The following YIPF3 variants were observed in gnomAD, a reference collection of about 807,000 sequenced individuals.
YIPF3 encodes protein YIPF3.
YIPF3 carries 18 observed loss-of-function variants against 40.3 expected under a neutral mutation model. The observed-to-expected ratio is 0.45, with a 90% confidence interval of 0.31 to 0.66. The LOEUF is 0.66. Among genes scored for constraint, YIPF3 ranks in the 30% least tolerant of loss-of-function variants. The pLI is 0.07. For synonymous variants in YIPF3, 190 were observed against 179.6 expected (o/e 1.06, Z -0.46); for missense variants, 406 against 452.2 (o/e 0.90, Z 0.93).
In YIPF3 at chr6:43,511,914, A is replaced by G; in HGVS notation, c.*253T>C. ...GAGAGATAAAGAGGAAGGAAGGGGT[A>G]GGTGGGGAGGGGTTCTCAAAGGAGC... is the stretch of plus-strand genomic sequence containing the variant. On this transcript the variant is annotated 3_prime_UTR_variant, in exon 9 of 9. Transcript: ENST00000372422. 2.0e-6 allele frequency: 1 copy of G among 512,184 alleles called. No homozygotes were observed. Among genetic ancestry groups the G allele is most frequent in the Non-Finnish European group, 3.4e-6 (1 of 291,080 alleles). The allele number at this position is 512,184 out of a possible 1,614,324, so 31.7% of individuals were successfully genotyped here. A position where few individuals can be genotyped will look rare whatever the true frequency, so the allele number is the denominator to read the frequency against.
chr6:43,516,652 A>T, intron 1 of YIPF3, 75 bp downstream of exon 1: 2 of 1,548,562 alleles, frequency 1.3e-6, no homozygotes, highest in Non-Finnish European at 1.8e-6. Flanking sequence ...CCAGGCCCAG[A>T]GGGGGAATCC....
chr6:43,516,141 C>G, intron 1 of YIPF3, 46 bp from the exon 2 acceptor site: 1 of 1,609,702 alleles, frequency 6.2e-7, no homozygotes, highest in African/African-American at 1.3e-5. Context: ...TCTGTTCCAT[C>G]CATTAAGTCC....
In YIPF3 at chr6:43,513,355, T is replaced by C; in HGVS notation, c.534+4A>G. 6.2e-7 allele frequency: 1 copy of C among 1,614,152 alleles called. No homozygotes were observed. Among genetic ancestry groups the C allele is most frequent in the Non-Finnish European group, 8.5e-7 (1 of 1,180,012 alleles). On this transcript the variant is annotated splice_donor_region_variant and intron_variant, in intron 5 of 8. Coordinates refer to ENST00000372422, the MANE Select transcript of YIPF3 (RefSeq NM_015388.4). ...ACCCCCCCAAAGTTGTCTGTCCTGC[T>C]TACGATAATAGTGTCAGACGTCTTC...
In YIPF3 at chr6:43,512,543, C is replaced by G. The variant is rs1338099726; in HGVS notation, c.801G>C (p.Arg267=). Residue 267 remains arginine, a synonymous_variant, in exon 8 of 9, where the codon CGG becomes CGC. Transcript: ENST00000372422. ...GCAGCCGCTGTGTGGGGCCCACGGTCCGAGACACCAACACTGCTACCTAGG... is the reference window on the plus strand; with the variant it reads ...GCAGCCGCTGTGTGGGGCCCACGGTGCGAGACACCAACACTGCTACCTAGG... ...TLRMVAVLVS[R]TVGPTQRLLL... 6.2e-7 allele frequency: 1 copy of G among 1,611,882 alleles called. No individual in the cohort carries two copies. Among genetic ancestry groups the G allele is most frequent in the East Asian group, 2.2e-5 (1 of 44,854 alleles).
At chr6:43,513,327 G>C (rs774099633) in intron 5 of YIPF3, 32 bp downstream of exon 5, 1 of 1,613,748 alleles carries the variant, frequency 6.2e-7, no homozygotes, top group Non-Finnish European at 8.5e-7. Context: ...ACCTAGTGCA[G>C]CCACCCCCCC....
In YIPF3 at chr6:43,515,833, AC is replaced by A. The variant is rs1792804911; in HGVS notation, c.288+55del. ...GAACATCACCAACACCAATTCCAGAACACGGGACATACCTAGGTCTACTTTT... is the reference window on the plus strand; with the variant it reads ...GAACATCACCAACACCAATTCCAGAAACGGGACATACCTAGGTCTACTTTT... On this transcript the variant is annotated intron_variant, in intron 2 of 8. Coordinates refer to ENST00000372422, the MANE Select transcript of YIPF3 (RefSeq NM_015388.4). The A allele has an allele frequency of 3.8e-6, 6 of 1,590,124 alleles. No individual in the cohort carries two copies. The East Asian group carries it at 1.3e-4, about 36-fold the overall frequency.
intron 3 of YIPF3, chr6:43,515,362 G>A: frequency 1.6e-6 from 1 of 623,386 alleles, no homozygotes; most frequent in Non-Finnish European, 3.0e-6. Context: ...ATGTGGAACA[G>A]AGGAAGTGAC....
intron 3 of YIPF3, among the ~76,000 whole-genome samples, chr6:43,514,667 T>G (rs1221353349): frequency 6.6e-6 from 1 of 152,192 alleles, no homozygotes; most frequent in Non-Finnish European, 1.5e-5. Flanking sequence ...CCCATCTATC[T>G]TCACCACTGA....
At position 43,516,822 on chromosome 6, in the gene YIPF3, C is replaced by T. The variant is rs1792852586; in HGVS notation, c.-15G>A. ...GTAGTTGCCATGTCCCTTGAGGGCT[C>T]CCGTCGCTGAAACCCGCGCTAGCCC... is the stretch of plus-strand genomic sequence containing the variant. On this transcript the variant is annotated 5_prime_UTR_variant, in exon 1 of 9. Transcript: ENST00000372422. 2.6e-6 allele frequency: 4 copies of T among 1,562,634 alleles called. No individual in the cohort carries two copies. The highest frequency in any genetic ancestry group is 4.8e-5 in the East Asian group (2 of 41,414).
chr6:43,512,632 C>G, intron 7 of YIPF3, 69 bp from the exon 8 acceptor site: 1 of 1,551,576 alleles, frequency 6.4e-7, no homozygotes. Flanking sequence ...GACACCCCCA[C>G]CCAGGGCAGA....
At chr6:43,512,416 C>A (rs1463286716) in intron 8 of YIPF3, 24 bp downstream of exon 8, 4 of 1,614,092 alleles carry the variant, frequency 2.5e-6, no homozygotes, top group African/African-American at 1.3e-5. Flanking sequence ...CATTCTCCCC[C>A]ACCCAGACCT....
At chr6:43,513,694 C>A (rs1792717127) in intron 3 of YIPF3, 61 bp from the exon 4 acceptor site, 2 of 1,482,926 alleles carry the variant, frequency 1.3e-6, no homozygotes, top group African/African-American at 1.4e-5. Flanking sequence ...TTCTGGAGGG[C>A]AAGGCCTGAA....
rs780051515 is a variant in YIPF3 at position 43,515,657 on chromosome 6, C to A, written c.333G>T (p.Leu111Phe). ...GKRQASRAFS[L>F]YANIDILRPY... ...GTCTGAGGATGTCGATGTTGGCGTA[C>A]AAGCTGAAGGCCCTGGAGGCTTGTC... The change falls in exon 3 of 9, where the codon TTG (leucine) becomes TTT (phenylalanine). Residue 111 changes from leucine (L) to phenylalanine (F), a missense_variant. Coordinates refer to ENST00000372422, the MANE Select transcript of YIPF3 (RefSeq NM_015388.4). 6.2e-7 allele frequency: 1 copy of A among 1,614,022 alleles called. No homozygotes were observed. Among genetic ancestry groups the A allele is most frequent in the East Asian group, 2.2e-5 (1 of 44,880 alleles).
chr6:43,515,508 T>G (rs1470779799), intron 3 of YIPF3, 87 bp downstream of exon 3: 13 of 1,402,870 alleles, frequency 9.3e-6, no homozygotes, highest in Non-Finnish European at 4.0e-6. Context: ...GGGGAGCCCA[T>G]CAGAGCCCAG....
intron 7 of YIPF3, 84 bp from the exon 8 acceptor site, chr6:43,512,647 TC>T (rs1312851285): frequency 1.3e-6 from 2 of 1,540,526 alleles, no homozygotes; most frequent in African/African-American, 2.7e-5. Context: ...GGCAGAACCA[TC>T]TTTGGGCTCT....
Position 43,516,889 on chromosome 6 carries a change from C to T in YIPF3, c.-82G>A. Reference sequence around the variant, plus strand: ...AAGATGTGGGCCTCCGGAAGGTAGACGTCCAGGGTCGAGGAGAGGTGGGAT... The same window carrying T: ...AAGATGTGGGCCTCCGGAAGGTAGATGTCCAGGGTCGAGGAGAGGTGGGAT... On this transcript the variant is annotated 5_prime_UTR_variant, in exon 1 of 9. Transcript: ENST00000372422. 1 of 1,459,226 alleles carries T rather than the reference C, an allele frequency of 6.9e-7. No homozygotes were observed. 90.4% of individuals were successfully genotyped at this position (1,459,226 alleles called of 1,614,324 possible).
At position 43,511,947 on chromosome 6, in the gene YIPF3, T is replaced by C; in HGVS notation, c.*220A>G. The C allele has an allele frequency of 1.6e-6, 1 of 637,042 alleles. No homozygotes were observed. The highest frequency in any genetic ancestry group is 3.1e-5 in the East Asian group (1 of 31,794). 39.5% of individuals were successfully genotyped at this position (637,042 alleles called of 1,614,324 possible). A position where few individuals can be genotyped will look rare whatever the true frequency, so the allele number is the denominator to read the frequency against. ...AGGGGTTCTCAAAGGAGCTGACCCA[T>C]TTTCTGCATTGGCTGCAGAGCCTTG... On this transcript the variant is annotated 3_prime_UTR_variant, in exon 9 of 9. Transcript: ENST00000372422.
intron 1 of YIPF3, 71 bp from the exon 2 acceptor site, chr6:43,516,166 G>A (rs765889203): frequency 2.5e-6 from 4 of 1,588,424 alleles, no homozygotes; most frequent in Admixed American, 3.6e-5. Flanking sequence ...CTCATCCCAG[G>A]GTTTAGGGCT....
rs1582176756 is a variant in YIPF3, at chr6:43,516,733, G to A, written c.75C>T (p.Asn25=). ...AGPEWGGFEE[N]IQGGGSAVID... is the part of the protein sequence containing the mutation. Reference sequence around the variant, plus strand: ...GGTGCCTTGGGGCCATTACCTGGATGTTTTCTTCGAACCCTCCCCATTCCG... The same window carrying A: ...GGTGCCTTGGGGCCATTACCTGGATATTTTCTTCGAACCCTCCCCATTCCG... Residue 25 remains asparagine (N), a synonymous_variant, in exon 1 of 9, where the codon AAC becomes AAT. Coordinates refer to ENST00000372422, the MANE Select transcript of YIPF3 (RefSeq NM_015388.4). 1 of 1,612,602 alleles carries A rather than the reference G, an allele frequency of 6.2e-7. No individual in the cohort carries two copies. The highest frequency in any genetic ancestry group is 8.5e-7 in the Non-Finnish European group (1 of 1,179,602).
Sources: allele counts gnomAD v4.1 joint callset (sites outside exome capture counted in the v4.1 genomes callset), GRCh38; gene constraint gnomAD v4.1.1; transcripts MANE v1.5; gene names NCBI Gene and HGNC (gene_info 2026-07-23, HGNC 2026-07-21).